MGA: variants seen among roughly 807,000 people sequenced by gnomAD.
The protein encoded by MGA is MAX dimerization protein MGA.
In MGA, 40 loss-of-function variants were observed where a neutral mutation model predicts 261.1. That is an observed-to-expected ratio of 0.15 (90% confidence interval 0.12 to 0.20). The LOEUF is 0.20. MGA is among the 10% of genes least tolerant of loss of function. The pLI is 1.00. For missense variants in MGA, 3,397 were observed against 3,630.5 expected (o/e 0.94, Z 1.65); for synonymous variants, 1,302 against 1,290.6 (o/e 1.01, Z -0.19).
intron 5 of MGA, among the ~76,000 whole-genome samples, chr15:41,706,585 CTTTT>C (rs11407130): frequency 7.3e-6 from 1 of 136,510 alleles, no homozygotes; most frequent in African/African-American, 2.7e-5. Flanking sequence ...TTTTTTTTCC[CTTTT>C]TTTTTTTTTG....
rs773764945 is a variant in MGA, at chr15:41,711,314, G to T, written c.3049G>T (p.Ala1017Ser). 6.2e-7 allele frequency: 1 copy of T among 1,612,940 alleles called. No homozygotes were observed. The highest frequency in any genetic ancestry group is 8.5e-7 in the Non-Finnish European group (1 of 1,179,456). The change falls in exon 8 of 24, where the codon GCA becomes TCA. Residue 1017 changes from alanine to serine, a missense_variant. Physicochemically the swap from Ala to Ser is moderately conservative, Grantham distance 99. Around this residue, in one of 9 missense-constraint regions of MGA, gnomAD observed 519 missense variants for 554.1 expected, o/e 0.94. Coordinates refer to ENST00000219905, the MANE Select transcript of MGA (RefSeq NM_001164273.2). ...AAGGACATACATCACAGAAGAGCGAGCAGATGTATCCTTAACAACTCTACT... is the reference window on the plus strand; with the variant it reads ...AAGGACATACATCACAGAAGAGCGATCAGATGTATCCTTAACAACTCTACT...
intron 1 of MGA, among the ~76,000 whole-genome samples, chr15:41,650,576 T>TA (rs1215701385): frequency 1.8e-4 from 28 of 152,164 alleles, no homozygotes; most frequent in Admixed American, 7.9e-4. Context: ...TAAATGGAAT[T>TA]ACAGGCGTGC....
chr15:41,710,354 C>G (rs1422140724), intron 7 of MGA, among the ~76,000 whole-genome samples: 1 of 152,138 alleles, frequency 6.6e-6, no homozygotes, highest in Non-Finnish European at 1.5e-5. Context: ...ATATCTGAGA[C>G]TCATTCTCTT....
intron 22 of MGA, among the ~76,000 whole-genome samples, chr15:41,763,743 GAAACA>G (rs201852824): frequency 0.03 from 4,564 of 152,008 alleles, 103 homozygotes; most frequent in Non-Finnish European, 0.048. Context: ...AACTCTGTCT[GAAACA>G]AAACAAAACA....
At chr15:41,633,417 A>G (rs1447273889) in intron 1 of MGA, among the ~76,000 whole-genome samples, 2 of 145,878 alleles carry the variant, frequency 1.4e-5, no homozygotes, top group African/African-American at 5.1e-5. Flanking sequence ...GCAGTGGTGC[A>G]GTCTTGGTTC....
At chr15:41,676,187 ATT>A (rs536715101) in intron 2 of MGA, among the ~76,000 whole-genome samples, 1 of 146,724 alleles carries the variant, frequency 6.8e-6, no homozygotes, top group African/African-American at 2.5e-5. Context: ...CTCTGGTTTG[ATT>A]TTTTTTTTTT....
intron 3 of MGA, 149 bp from the exon 4 acceptor site, chr15:41,698,714 A>C: frequency 1.7e-6 from 1 of 585,482 alleles, no homozygotes; most frequent in East Asian, 2.9e-5. Flanking sequence ...AAAAAGTATG[A>C]AAAAATTGCT....
intron 1 of MGA, among the ~76,000 whole-genome samples, chr15:41,639,235 C>T (rs764920410): frequency 1.3e-5 from 2 of 152,134 alleles, no homozygotes; most frequent in Non-Finnish European, 2.9e-5. Flanking sequence ...ATGGTTTCTT[C>T]TCTTGTGTGG....
chr15:41,664,865 A>G (rs2057640172), intron 1 of MGA, among the ~76,000 whole-genome samples: 1 of 152,160 alleles, frequency 6.6e-6, no homozygotes, highest in South Asian at 2.1e-4. Context: ...GTTTTAGAAA[A>G]CCAATCAACT....
At chr15:41,665,228 A>T (rs532317040) in intron 1 of MGA, among the ~76,000 whole-genome samples, 1 of 152,356 alleles carries the variant, frequency 6.6e-6, no homozygotes, top group South Asian at 2.1e-4. Context: ...CTTTTTAATT[A>T]TAATGAAGAA....
chr15:41,721,205 C>A (rs187005728), intron 9 of MGA, among the ~76,000 whole-genome samples: 34 of 152,158 alleles, frequency 2.2e-4, no homozygotes, highest in African/African-American at 7.7e-4. Flanking sequence ...CGGTGTCTCA[C>A]GCCTGTGATT....
At chr15:41,700,241 T>A (rs2059771881) in intron 5 of MGA, among the ~76,000 whole-genome samples, 2 of 151,862 alleles carry the variant, frequency 1.3e-5, no homozygotes, top group Admixed American at 6.6e-5. Context: ...AGAGACGGGG[T>A]TTCACTGTGT....
At chr15:41,731,925 C>T (rs1217212487) in intron 11 of MGA, among the ~76,000 whole-genome samples, 1 of 152,118 alleles carries the variant, frequency 6.6e-6, no homozygotes, top group African/African-American at 2.4e-5. Context: ...TACTGTTTAC[C>T]ATGTGTCAGG....
In MGA at chr15:41,766,980, C is replaced by T. The variant is rs2063831096; in HGVS notation, c.8898C>T (p.Thr2966=). ...CCGAAAGTGTGTCCTCACCCCCCAC[C>T]CTACACATGAAGACTGGCTTGGAGA... Residue 2966 remains threonine, a synonymous_variant, in exon 24 of 24, where the codon ACC becomes ACT. Transcript: ENST00000219905. 6.2e-7 allele frequency: 1 copy of T among 1,613,998 alleles called. No individual in the cohort carries two copies. The highest frequency in any genetic ancestry group is 8.5e-7 in the Non-Finnish European group (1 of 1,179,886).
chr15:41,766,978 A>C lies in MGA; in HGVS notation c.8896A>C (p.Thr2966Pro). The change falls in exon 24 of 24, where the codon ACC (threonine) becomes CCC (proline). Residue 2966 changes from threonine to proline, a missense_variant. Around this residue, in one of 9 missense-constraint regions of MGA, gnomAD observed 647 missense variants for 642.4 expected, o/e 1.01. Transcript: ENST00000219905. The stretch of plus-strand genomic sequence containing the variant: ...GCCCGAAAGTGTGTCCTCACCCCCC[A>C]CCCTACACATGAAGACTGGCTTGGA... The C allele has an allele frequency of 6.2e-7, 1 of 1,613,722 alleles. No homozygotes were observed. The highest frequency in any genetic ancestry group is 8.5e-7 in the Non-Finnish European group (1 of 1,179,824).
chr15:41,671,262 A>G (rs1023699435), intron 2 of MGA, among the ~76,000 whole-genome samples: 1 of 152,028 alleles, frequency 6.6e-6, no homozygotes, highest in Non-Finnish European at 1.5e-5. Context: ...AAAAAGCAAA[A>G]CTTGAATTTG....
intron 15 of MGA, among the ~76,000 whole-genome samples, chr15:41,746,335 G>GT (rs1400281082): frequency 6.6e-6 from 1 of 152,166 alleles, no homozygotes; most frequent in Non-Finnish European, 1.5e-5. Context: ...GAGGTCAGGA[G>GT]TTTAAGACCA....
intron 1 of MGA, among the ~76,000 whole-genome samples, chr15:41,654,624 GCTT>G (rs2057128447): frequency 6.6e-6 from 1 of 152,008 alleles, no homozygotes; most frequent in African/African-American, 2.4e-5. Flanking sequence ...TCTCTCATAG[GCTT>G]CTTCTTGATT....
intron 2 of MGA, among the ~76,000 whole-genome samples, chr15:41,690,112 C>T (rs1016385430): frequency 2.6e-5 from 4 of 152,254 alleles, no homozygotes; most frequent in South Asian, 2.1e-4. Flanking sequence ...TCCCCAGCTC[C>T]ACCCAATCCA....
Sources: gnomAD v4.1 joint callset for allele counts (sites outside exome capture counted in the v4.1 genomes callset) on GRCh38, gnomAD v4.1.1 for gene constraint, gnomAD v4.1.1 regional missense constraint, MANE v1.5 for transcripts, NCBI Gene and HGNC (gene_info 2026-07-23, HGNC 2026-07-21) for gene names.